SCYL2: variants seen among roughly 807,000 people sequenced by gnomAD.
SCYL2 encodes SCY1 like pseudokinase 2, also known as SCY1-like protein 2.
In SCYL2, 36 loss-of-function variants were observed where a neutral mutation model predicts 100.4. The observed-to-expected ratio is 0.36, with a 90% CI of 0.27 to 0.47. SCYL2 has a LOEUF of 0.47. Among genes scored for constraint, SCYL2 ranks in the 20% least tolerant of loss-of-function variants. SCYL2 has a pLI of 1.00. For missense variants in SCYL2, 902 were observed against 1,083.9 expected, an observed-to-expected ratio of 0.83 and a Z score of 2.36; for synonymous variants, 330 against 359.2, an observed-to-expected ratio of 0.92 and a Z score of 0.92.
Position 100,326,674 on chromosome 12 carries a change from A to G in SCYL2, c.1562A>G (p.Lys521Arg), listed in dbSNP as rs2096362221. Residue 521 changes from lysine to arginine, a missense_variant, in exon 12 of 18, where the codon AAG (lysine) becomes AGG (arginine). By Grantham distance (26) the Lys-to-Arg change is conservative (BLOSUM62 2). Coordinates refer to ENST00000360820, the MANE Select transcript of SCYL2 (RefSeq NM_017988.6). Reference sequence around the variant, plus strand: ...GGAAAGATTTTGGAATACTTGGATAAGTGGTTTGTACTTGATGATATCCTA... The same window carrying G: ...GGAAAGATTTTGGAATACTTGGATAGGTGGTTTGTACTTGATGATATCCTA... Reference protein sequence around the residue: ...CLGKILEYLDKWFVLDDILPF... With the variant: ...CLGKILEYLDRWFVLDDILPF... 4 of 1,608,880 alleles carry G rather than the reference A, an allele frequency of 2.5e-6. No individual in the cohort carries two copies. Among genetic ancestry groups the G allele is most frequent in the African/African-American group, 1.3e-5 (1 of 74,792 alleles).
rs1215884918 is a variant in SCYL2 at position 100,315,592 on chromosome 12, C to T, written c.1130C>T (p.Thr377Ile). The T allele has an allele frequency of 6.2e-7, 1 of 1,606,384 alleles. No individual in the cohort carries two copies. The highest frequency in any genetic ancestry group is 1.1e-5 in the South Asian group (1 of 88,716). Residue 377 changes from threonine to isoleucine, a missense_variant, in exon 9 of 18, where the codon ACT becomes ATT. By Grantham distance (89) the Thr-to-Ile change is moderately conservative (BLOSUM62 -1). Transcript: ENST00000360820. ...VIVQRILPCL[T>I]SEFVNPDMVP... The stretch of plus-strand genomic sequence containing the variant: ...GTGCAGAGAATTTTGCCTTGTTTGA[C>T]TTCAGAATTTGTAAACCCTGACATG...
At chr12:100,277,619 C>T (rs2096293895) in intron 1 of SCYL2, among the ~76,000 whole-genome samples, 3 of 152,134 alleles carry the variant, frequency 2.0e-5, no homozygotes, top group Non-Finnish European at 2.9e-5. Context: ...TTTTTGTAAG[C>T]AGCATATAGT....
rs1330262814 is a variant in SCYL2, at chr12:100,267,371, A to T, written c.-450A>T. The stretch of plus-strand genomic sequence containing the variant: ...GGGGGCGGGGGGAAAGAGCCCCAGC[A>T]CCGCCCCTCCTGGAAGAAGGAAGAG... On this transcript the variant is annotated 5_prime_UTR_variant, in exon 1 of 18. Coordinates refer to ENST00000360820, the MANE Select transcript of SCYL2 (RefSeq NM_017988.6). 1 of 295,758 alleles carries T rather than the reference A, an allele frequency of 3.4e-6. No homozygotes were observed. Among genetic ancestry groups the T allele is most frequent in the Non-Finnish European group, 6.3e-6 (1 of 157,634 alleles). 18.3% of individuals were successfully genotyped at this position (295,758 alleles called of 1,614,324 possible). A position where few individuals can be genotyped will look rare whatever the true frequency, so the allele number is the denominator to read the frequency against.
At chr12:100,299,597 A>G (rs1380207619) in intron 4 of SCYL2, among the ~76,000 whole-genome samples, 1 of 152,070 alleles carries the variant, frequency 6.6e-6, no homozygotes, top group Non-Finnish European at 1.5e-5. Context: ...CATTTTCTAG[A>G]ATTTTATAAG....
At chr12:100,324,754 C>G (rs2096359853) in intron 11 of SCYL2, among the ~76,000 whole-genome samples, 1 of 152,172 alleles carries the variant, frequency 6.6e-6, no homozygotes, top group East Asian at 1.9e-4. Flanking sequence ...TGAGTCTTCA[C>G]TATCATTAAA....
chr12:100,298,393 T>TG (rs1452327508), intron 4 of SCYL2, among the ~76,000 whole-genome samples: 3 of 152,294 alleles, frequency 2.0e-5, no homozygotes, highest in Middle Eastern at 3.4e-3. Context: ...TGGTAACCTT[T>TG]GGGGGGTCAC....
intron 3 of SCYL2, among the ~76,000 whole-genome samples, chr12:100,295,918 G>A (rs919750026): frequency 1.3e-5 from 2 of 152,272 alleles, no homozygotes; most frequent in Middle Eastern, 3.4e-3. Context: ...AGCAGATGCC[G>A]GGCCATCCTG....
At chr12:100,286,415 T>C (rs946763183) in intron 2 of SCYL2, among the ~76,000 whole-genome samples, 1 of 152,190 alleles carries the variant, frequency 6.6e-6, no homozygotes, top group African/African-American at 2.4e-5. Flanking sequence ...TCTTCTAGTA[T>C]CCTACATTTA....
chr12:100,313,505 G>T lies in SCYL2; in HGVS notation c.936G>T (p.Pro312=). The T allele has an allele frequency of 1.2e-6, 2 of 1,604,492 alleles. No homozygotes were observed. Among genetic ancestry groups the T allele is most frequent in the Middle Eastern group, 1.7e-4 (1 of 6,022 alleles). The part of the protein sequence containing the change: ...EHVKLLLNVT[P]TVRPDADQMT... ...TAAAGCTACTGTTAAATGTAACTCCGACTGTAAGACCAGATGCAGATCAAA... is the reference window on the plus strand; with the variant it reads ...TAAAGCTACTGTTAAATGTAACTCCTACTGTAAGACCAGATGCAGATCAAA... Residue 312 remains proline (P), a synonymous_variant, in exon 7 of 18, where the codon CCG becomes CCT. Coordinates refer to ENST00000360820, the MANE Select transcript of SCYL2 (RefSeq NM_017988.6).
rs976078983 is a variant in SCYL2, at chr12:100,315,456, C to T, written c.1096-102C>T. The T allele has an allele frequency of 7.9e-6, 7 of 890,042 alleles. No individual in the cohort carries two copies. The Admixed American group carries it at 9.5e-5, about 12-fold the overall frequency. The allele number at this position is 890,042 out of a possible 1,614,324, so 55.1% of individuals were successfully genotyped here. A position where few individuals can be genotyped will look rare whatever the true frequency, so the allele number is the denominator to read the frequency against. ...GTTTCAACCATAAATTGTATCGTCA[C>T]GTTACCTAAAGGGATTAGAGGTTTT... On this transcript the variant is annotated intron_variant, in intron 8 of 17. Transcript: ENST00000360820.
At position 100,317,846 on chromosome 12, in the gene SCYL2, A is replaced by G. The variant is rs781262472; in HGVS notation, c.1316A>G (p.Lys439Arg). The change falls in exon 10 of 18, where the codon AAA (lysine) becomes AGA (arginine). Residue 439 changes from lysine (K) to arginine (R), a missense_variant. Coordinates refer to ENST00000360820, the MANE Select transcript of SCYL2 (RefSeq NM_017988.6). ...CAAAAAATGGATTTGCTACTAACCA[A>G]AACCCCTCCTGATGAGATAAAGAAC... ...FLQKMDLLLTKTPPDEIKNSV... is the reference protein window; with the variant it reads ...FLQKMDLLLTRTPPDEIKNSV... The G allele has an allele frequency of 6.2e-7, 1 of 1,607,978 alleles. No homozygotes were observed. The highest frequency in any genetic ancestry group is 1.1e-5 in the South Asian group (1 of 89,160).
chr12:100,294,168 C>G (rs570653335), intron 3 of SCYL2, among the ~76,000 whole-genome samples: 2 of 145,668 alleles, frequency 1.4e-5, no homozygotes, highest in Non-Finnish European at 3.0e-5. Flanking sequence ...CTGACTCCCC[C>G]ACCTCCCTCC....
chr12:100,320,273 G>T (rs895762809), intron 10 of SCYL2, among the ~76,000 whole-genome samples: 2 of 152,014 alleles, frequency 1.3e-5, no homozygotes, highest in African/African-American at 4.8e-5. Flanking sequence ...GGCTGGGTGC[G>T]GTGGCTCATG....
intron 2 of SCYL2, 91 bp from the exon 3 acceptor site, chr12:100,291,412 T>C: frequency 1.2e-6 from 1 of 860,586 alleles, no homozygotes; most frequent in African/African-American, 1.8e-5. Context: ...CTAAAATTTT[T>C]ATGGCATAGT....
intron 1 of SCYL2, among the ~76,000 whole-genome samples, chr12:100,275,471 C>CA (rs1252137392): frequency 6.6e-6 from 1 of 152,188 alleles, no homozygotes; most frequent in Non-Finnish European, 1.5e-5. Context: ...GCTGGGATTA[C>CA]AGGCATGAAT....
Position 100,317,935 on chromosome 12 carries a change from C to T in SCYL2, c.1395+10C>T. 1 of 1,536,508 alleles carries T rather than the reference C, an allele frequency of 6.5e-7. No individual in the cohort carries two copies. The highest frequency in any genetic ancestry group is 8.7e-7 in the Non-Finnish European group (1 of 1,150,808). ...TTCCATTCAGATCCAGGTACAGTAT[C>T]TGATTTGTTTTTCTTTAATGATGAT... On this transcript the variant is annotated intron_variant, in intron 10 of 17. Coordinates refer to ENST00000360820, the MANE Select transcript of SCYL2 (RefSeq NM_017988.6).
intron 17 of SCYL2, among the ~76,000 whole-genome samples, chr12:100,338,245 TAAG>T (rs1290829422): frequency 1.3e-5 from 2 of 152,304 alleles, no homozygotes; most frequent in East Asian, 1.9e-4. Flanking sequence ...TAATATAGAA[TAAG>T]AAGAATGCGA....
intron 13 of SCYL2, among the ~76,000 whole-genome samples, chr12:100,333,123 G>A (rs1952232576): frequency 6.6e-6 from 1 of 150,674 alleles, no homozygotes; most frequent in South Asian, 2.1e-4. Context: ...AGACTTTTGT[G>A]TTAGTATACT....
At position 100,275,227 on chromosome 12, in the gene SCYL2, G is replaced by A. The variant is rs1191495895; in HGVS notation, c.-29+7435G>A. Among the ~76,000 whole-genome samples, 4 of 150,530 alleles carry A rather than the reference G, an allele frequency of 2.7e-5. No homozygotes were observed. In the East Asian group the frequency reaches 7.8e-4, roughly 29 times the overall value. On this transcript the variant is annotated intron_variant, in intron 1 of 17. Coordinates refer to ENST00000360820, the MANE Select transcript of SCYL2 (RefSeq NM_017988.6). The stretch of plus-strand genomic sequence containing the variant: ...TTTTTTTTTCTTTTTTTTGAGACAG[G>A]GTCTCACCCTGTCACCCAGGCTGGA...
Sources: gnomAD v4.1 joint callset for allele counts (sites outside exome capture counted in the v4.1 genomes callset) on GRCh38, gnomAD v4.1.1 for gene constraint, MANE v1.5 for transcripts, NCBI Gene and HGNC (gene_info 2026-07-23, HGNC 2026-07-21) for gene names.